CCNE1: variants seen among roughly 807,000 people sequenced by gnomAD.
CCNE1 encodes the protein G1/S-specific cyclin-E1.
A neutral mutation model predicts 54.1 loss-of-function variants in CCNE1; 8 were observed. The ratio of observed to expected loss-of-function variants is 0.15; its 90% CI spans 0.09 to 0.27. CCNE1 has a LOEUF of 0.27. Among genes scored for constraint, CCNE1 ranks in the 10% least tolerant of loss-of-function variants. The pLI, the probability that CCNE1 is intolerant of heterozygous loss-of-function variation, is 1.00. For synonymous variants in CCNE1, 179 were observed against 185.2 expected (o/e 0.97, Z 0.27); for missense variants, 430 against 514.9 (o/e 0.84, Z 1.60).
At chr19:29,816,993 A>G (rs1037094301) in intron 4 of CCNE1, 144 bp from the exon 5 acceptor site, 13 of 804,224 alleles carry the variant, frequency 1.6e-5, no homozygotes, top group Non-Finnish European at 2.5e-5. Context: ...GTGACAAAAA[A>G]TATCATAATG....
At chr19:29,814,723 T>C (rs1488197862) in intron 4 of CCNE1, among the ~76,000 whole-genome samples, 1 of 152,196 alleles carries the variant, frequency 6.6e-6, no homozygotes, top group African/African-American at 2.4e-5. Context: ...AGTCTTGAGC[T>C]ACTTGGAGCC....
At chr19:29,813,122 G>GAGACA in intron 4 of CCNE1, 85 bp downstream of exon 4, 2 of 1,262,164 alleles carry the variant, frequency 1.6e-6, no homozygotes, top group Non-Finnish European at 2.3e-6. Flanking sequence ...TCTCTTGCTG[G>GAGACA]AGACACTCTG....
chr19:29,815,289 G>T (rs537156399), intron 4 of CCNE1, among the ~76,000 whole-genome samples: 9 of 152,336 alleles, frequency 5.9e-5, no homozygotes, highest in Admixed American at 2.0e-4. Flanking sequence ...ACAACTTACA[G>T]CGGTTGTAAT....
intron 4 of CCNE1, among the ~76,000 whole-genome samples, chr19:29,815,443 T>TTATCTGGCTTTGCTC (rs144442761): frequency 2.6e-5 from 4 of 152,220 alleles, no homozygotes; most frequent in African/African-American, 7.2e-5. Flanking sequence ...GGGAAGAGCT[T>TTATCTGGCTTTGCTC]TATCTGGCTT....
chr19:29,820,596 CT>C (rs1974125311), intron 6 of CCNE1, 105 bp from the exon 7 acceptor site: 6 of 797,304 alleles, frequency 7.5e-6, no homozygotes, highest in Non-Finnish European at 1.2e-5. Flanking sequence ...AGTTCAGGAA[CT>C]TTGCATTTTA....
chr19:29,812,669 G>T lies in CCNE1; in HGVS notation c.24-20G>T. The T allele has an allele frequency of 6.4e-7, 1 of 1,574,530 alleles. No homozygotes were observed. Among genetic ancestry groups the T allele is most frequent in the South Asian group, 1.2e-5 (1 of 85,766 alleles). ...GCGGCCGCGGGTGCTCACCCGGCCC[G>T]GTGCCACCCGGGTCCACAGGGATGC... On this transcript the variant is annotated intron_variant, in intron 2 of 11. Transcript: ENST00000262643.
intron 4 of CCNE1, 143 bp from the exon 5 acceptor site, chr19:29,816,994 T>A: frequency 3.8e-6 from 3 of 799,422 alleles, no homozygotes; most frequent in Non-Finnish European, 5.7e-6. Context: ...TGACAAAAAA[T>A]ATCATAATGT....
chr19:29,817,043 C>T (rs1013008407), intron 4 of CCNE1, 94 bp from the exon 5 acceptor site: 2 of 1,282,438 alleles, frequency 1.6e-6, no homozygotes, highest in African/African-American at 3.0e-5. Flanking sequence ...TGCCTAGTAT[C>T]TTACTGAGTT....
intron 3 of CCNE1, 31 bp downstream of exon 3, chr19:29,812,807 TC>T (rs3218029): frequency 9.5e-6 from 15 of 1,571,008 alleles, no homozygotes; most frequent in Non-Finnish European, 1.3e-5. Flanking sequence ...TTGGGGAGCA[TC>T]CCCCCCATCT....
At chr19:29,817,061 A>G (rs1023190641) in intron 4 of CCNE1, 76 bp from the exon 5 acceptor site, 14 of 1,449,310 alleles carry the variant, frequency 9.7e-6, no homozygotes, top group Non-Finnish European at 1.2e-5. Context: ...GTTGCAGGTG[A>G]ATTTGTAATG....
At chr19:29,815,339 G>A (rs192661965) in intron 4 of CCNE1, among the ~76,000 whole-genome samples, 1 of 152,330 alleles carries the variant, frequency 6.6e-6, no homozygotes, top group African/African-American at 2.4e-5. Context: ...CCCGCACATG[G>A]TACTAGAACT....
At chr19:29,820,317 G>A (rs910518756) in intron 6 of CCNE1, among the ~76,000 whole-genome samples, 2 of 152,156 alleles carry the variant, frequency 1.3e-5, no homozygotes, top group Non-Finnish European at 2.9e-5. Flanking sequence ...TTGGGAGGCC[G>A]AAGCAGGTGG....
At position 29,823,915 on chromosome 19, in the gene CCNE1, G is replaced by T; in HGVS notation, c.*138G>T. ...TCTTCCACAACAGAAGTATTTCTGT[G>T]GATGGCATCAAACAGGGCAAAGTGT... is the stretch of plus-strand genomic sequence containing the variant. On this transcript the variant is annotated 3_prime_UTR_variant, in exon 12 of 12. Coordinates refer to ENST00000262643, the MANE Select transcript of CCNE1 (RefSeq NM_001238.4). 7.0e-6 allele frequency: 7 copies of T among 1,000,810 alleles called. No individual in the cohort carries two copies. Among genetic ancestry groups the T allele is most frequent in the South Asian group, 2.0e-5 (1 of 50,500 alleles). The allele number at this position is 1,000,810 out of a possible 1,614,324, so 62.0% of individuals were successfully genotyped here. A position where few individuals can be genotyped will look rare whatever the true frequency, so the allele number is the denominator to read the frequency against.
chr19:29,813,647 A>G (rs191682642), intron 4 of CCNE1, among the ~76,000 whole-genome samples: 11 of 152,156 alleles, frequency 7.2e-5, no homozygotes, highest in Admixed American at 6.6e-4. Flanking sequence ...TCAGTGGAAC[A>G]TTCAGTGTAA....
At position 29,812,701 on chromosome 19, in the gene CCNE1, G is replaced by A. The variant is rs1204581946; in HGVS notation, c.36G>A (p.Glu12=). ...CCCGGGTCCACAGGGATGCGAAGGAGCGGGACACCATGAAGGAGGACGGCG... is the reference window on the plus strand; with the variant it reads ...CCCGGGTCCACAGGGATGCGAAGGAACGGGACACCATGAAGGAGGACGGCG... ...PRERRERDAK[E]RDTMKEDGGA... The change falls in exon 3 of 12, where the codon GAG becomes GAA. Residue 12 remains glutamate (E), a synonymous_variant. Transcript: ENST00000262643. 1.1e-5 allele frequency: 18 copies of A among 1,590,174 alleles called. No homozygotes were observed. The Admixed American group carries it at 1.8e-4, about 16-fold the overall frequency.
chr19:29,813,038 G>T lies in CCNE1; in HGVS notation c.180+1G>T, dbSNP rs757121575. The T allele has an allele frequency of 1.4e-5, 22 of 1,614,034 alleles. No individual in the cohort carries two copies. The highest frequency in any genetic ancestry group is 4.0e-5 in the African/African-American group (3 of 74,914). ...GGCGAGGGACCAGTGTGGGAGCCAG[G>T]TAGGTCCGCCCGGGGTTGGGCCTCT... On this transcript the variant is annotated splice_donor_variant, in intron 4 of 11. Transcript: ENST00000262643. LOFTEE classifies it high-confidence loss of function.
rs1428428541 is a variant in CCNE1, at chr19:29,817,550, G to A, written c.462+9G>A. 6.2e-7 allele frequency: 1 copy of A among 1,614,054 alleles called. No homozygotes were observed. Among genetic ancestry groups the A allele is most frequent in the Non-Finnish European group, 8.5e-7 (1 of 1,180,040 alleles). ...TGGATTGGTTAATGGAGGTGAGCTT[G>A]AGTCTTCCTGTTCGCTTCATGAAAG... On this transcript the variant is annotated intron_variant, in intron 6 of 11. Coordinates refer to ENST00000262643, the MANE Select transcript of CCNE1 (RefSeq NM_001238.4).
intron 11 of CCNE1, 90 bp from the exon 12 acceptor site, chr19:29,823,565 T>C (rs555132515): frequency 2.4e-6 from 3 of 1,236,920 alleles, no homozygotes; most frequent in East Asian, 2.7e-5. Flanking sequence ...AAAAAAAAAT[T>C]TAAAAATTAA....
rs1302802153 is a variant in CCNE1 at position 29,820,875 on chromosome 19, A to G, written c.609+27A>G. ...TAAATAATTTTCAAATATTTGTTCT[A>G]TAATGTGTGTTATTTCTCGAGCTCC... is the stretch of plus-strand genomic sequence containing the variant. On this transcript the variant is annotated intron_variant, in intron 7 of 11. Coordinates refer to ENST00000262643, the MANE Select transcript of CCNE1 (RefSeq NM_001238.4). 10 of 1,536,660 alleles carry G rather than the reference A, an allele frequency of 6.5e-6. 1 individual carries two copies. In the South Asian group the frequency reaches 1.0e-4, roughly 16 times the overall value.
Sources: allele counts gnomAD v4.1 joint callset (sites outside exome capture counted in the v4.1 genomes callset), GRCh38; gene constraint gnomAD v4.1.1; transcripts MANE v1.5; gene names NCBI Gene and HGNC (gene_info 2026-07-23, HGNC 2026-07-21).